LCMT1: variants seen among roughly 807,000 people sequenced by gnomAD.
LCMT1 encodes leucine carboxyl methyltransferase 1.
LCMT1 carries 32 observed loss-of-function variants against 47.7 expected under a neutral mutation model. The observed-to-expected ratio is 0.67, with a 90% CI of 0.51 to 0.90. The LOEUF is 0.90. Among genes scored for constraint, LCMT1 ranks in the 40% least tolerant of loss-of-function variants. The pLI is 0.00. For missense variants in LCMT1, 375 were observed against 415.2 expected, an observed-to-expected ratio of 0.90 and a Z score of 0.84; for synonymous variants, 152 against 149.7, an observed-to-expected ratio of 1.02 and a Z score of -0.11.
chr16:25,122,181 C>T (rs1487231074), intron 1 of LCMT1, among the ~76,000 whole-genome samples: 3 of 152,190 alleles, frequency 2.0e-5, no homozygotes, highest in Non-Finnish European at 1.5e-5. Flanking sequence ...TCCTTGTTTA[C>T]CAGCTGCTGG....
At chr16:25,146,292 T>C (rs1960849730) in intron 4 of LCMT1, 1 of 152,454 alleles carries the variant, frequency 6.6e-6, no homozygotes, top group African/African-American at 2.4e-5. Flanking sequence ...GTGATGACGA[T>C]GGAGTGTGCT....
chr16:25,175,634 A>G (rs1295899515), intron 10 of LCMT1, among the ~76,000 whole-genome samples: 1 of 152,038 alleles, frequency 6.6e-6, no homozygotes, highest in Non-Finnish European at 1.5e-5. Context: ...CCCTGTCTCA[A>G]AAAATAAATA....
Position 25,178,007 on chromosome 16 carries a change from A to G in LCMT1, c.989A>G (p.Lys330Arg). 2 of 1,613,734 alleles carry G rather than the reference A, an allele frequency of 1.2e-6. No homozygotes were observed. The highest frequency in any genetic ancestry group is 1.7e-6 in the Non-Finnish European group (2 of 1,179,734). The change falls in exon 11 of 11, where the codon AAG becomes AGG. Residue 330 changes from lysine (K) to arginine (R), a missense_variant. Coordinates refer to ENST00000399069, the MANE Select transcript of LCMT1 (RefSeq NM_016309.3). ...TGTGTGTCTCTCCCCTCAGGGCTGAAGGAGATAACTTATTAATCTGTCGAA... is the reference window on the plus strand; with the variant it reads ...TGTGTGTCTCTCCCCTCAGGGCTGAGGGAGATAACTTATTAATCTGTCGAA... ...ATKGGNELGL[K>R]EITY
chr16:25,124,295 C>G (rs1960090648), intron 1 of LCMT1, among the ~76,000 whole-genome samples: 1 of 152,152 alleles, frequency 6.6e-6, no homozygotes, highest in Non-Finnish European at 1.5e-5. Context: ...TACATGTATA[C>G]AGACAAACAC....
At chr16:25,152,252 T>C (rs1961104959) in intron 5 of LCMT1, among the ~76,000 whole-genome samples, 1 of 152,108 alleles carries the variant, frequency 6.6e-6, no homozygotes, top group African/African-American at 2.4e-5. Flanking sequence ...CAGTAGTCTT[T>C]TGAAAGGGCT....
rs1217579944 is a variant in LCMT1, at chr16:25,161,330, C to A, written c.569+126C>A. Reference sequence around the variant, plus strand: ...TTATTCTTTAAGAGTTTTATCATTTCATTGCTACCTAGTTTTCTGAAAAAA... The same window carrying A: ...TTATTCTTTAAGAGTTTTATCATTTAATTGCTACCTAGTTTTCTGAAAAAA... On this transcript the variant is annotated intron_variant, in intron 6 of 10. Coordinates refer to ENST00000399069, the MANE Select transcript of LCMT1 (RefSeq NM_016309.3). 1.7e-5 allele frequency: 9 copies of A among 522,438 alleles called. No individual in the cohort carries two copies. In the African/African-American group the frequency reaches 1.8e-4, roughly 10 times the overall value. The allele number at this position is 522,438 out of a possible 1,614,324, so 32.4% of individuals were successfully genotyped here.
At chr16:25,174,277 T>A (rs1425149671) in intron 9 of LCMT1, among the ~76,000 whole-genome samples, 1 of 152,198 alleles carries the variant, frequency 6.6e-6, no homozygotes, top group Non-Finnish European at 1.5e-5. Context: ...ATGCATATAA[T>A]TTTTTACAAA....
At chr16:25,169,341 C>T in intron 8 of LCMT1, 128 bp downstream of exon 8, 1 of 631,276 alleles carries the variant, frequency 1.6e-6, no homozygotes, top group African/African-American at 1.8e-5. Flanking sequence ...GGCTGCTGAG[C>T]CTCCATGTGG....
chr16:25,144,642 A>C (rs1960794732), intron 4 of LCMT1: 1 of 152,236 alleles, frequency 6.6e-6, no homozygotes, highest in Admixed American at 6.5e-5. Context: ...GCAGTGAGCC[A>C]ATGGTGTCCC....
At chr16:25,118,441 G>C (rs1229522922) in intron 1 of LCMT1, among the ~76,000 whole-genome samples, 2 of 152,178 alleles carry the variant, frequency 1.3e-5, no homozygotes, top group African/African-American at 4.8e-5. Context: ...GCCTGCTTCG[G>C]TTATGGAGGT....
intron 1 of LCMT1, among the ~76,000 whole-genome samples, chr16:25,120,193 G>C (rs188582455): frequency 6.6e-6 from 1 of 151,292 alleles, no homozygotes; most frequent in Non-Finnish European, 1.5e-5. Flanking sequence ...AAAAAACCTT[G>C]TCCATCAATA....
intron 1 of LCMT1, among the ~76,000 whole-genome samples, chr16:25,121,481 G>C (rs1597559987): frequency 6.6e-6 from 1 of 152,158 alleles, no homozygotes; most frequent in East Asian, 1.9e-4. Flanking sequence ...AATCACAGAA[G>C]AGTGAGTTCT....
At chr16:25,149,390 A>G (rs1481093152) in intron 4 of LCMT1, among the ~76,000 whole-genome samples, 1 of 152,116 alleles carries the variant, frequency 6.6e-6, no homozygotes, top group Non-Finnish European at 1.5e-5. Flanking sequence ...GAGACACTCC[A>G]CCACCTTGGT....
intron 5 of LCMT1, 48 bp downstream of exon 5, chr16:25,151,663 C>A: frequency 6.8e-7 from 1 of 1,472,146 alleles, no homozygotes; most frequent in Non-Finnish European, 9.4e-7. Context: ...ATTTTTGCTT[C>A]CCACCCCCTT....
In LCMT1 at chr16:25,171,439, A is replaced by C. The variant is rs142484855; in HGVS notation, c.884+634A>C. Among the ~76,000 whole-genome samples, 203 of 152,172 alleles carry C rather than the reference A, an allele frequency of 1.3e-3. 1 individual carries two copies. The highest frequency in any genetic ancestry group is 4.5e-3 in the African/African-American group (185 of 41,514). Reference sequence around the variant, plus strand: ...AAAAACAAACAAACAAACAAACAAAAAAAAACCCCAAAAAACAAGACCCTA... The same window carrying C: ...AAAAACAAACAAACAAACAAACAAACAAAAACCCCAAAAAACAAGACCCTA... On this transcript the variant is annotated intron_variant, in intron 9 of 10. Coordinates refer to ENST00000399069, the MANE Select transcript of LCMT1 (RefSeq NM_016309.3).
At position 25,122,052 on chromosome 16, in the gene LCMT1, T is replaced by A. The variant is rs893478472; in HGVS notation, c.114-6423T>A. 5.3e-5 allele frequency among the ~76,000 whole-genome samples: 8 copies of A among 152,324 alleles called. No homozygotes were observed. In the South Asian group the frequency reaches 1.5e-3, roughly 28 times the overall value. On this transcript the variant is annotated intron_variant, in intron 1 of 10. Coordinates refer to ENST00000399069, the MANE Select transcript of LCMT1 (RefSeq NM_016309.3). ...CAGCATTTTTGCACATGTGTGTGAA[T>A]TTTCTTGTGAAATAGATTCCCAGGG...
chr16:25,120,752 G>GGTTTTTT (rs1555481139), intron 1 of LCMT1, among the ~76,000 whole-genome samples: 2 of 114,476 alleles, frequency 1.7e-5, no homozygotes, highest in African/African-American at 6.7e-5. Flanking sequence ...TTTTTTTTTT[G>GGTTTTTT]TTTTTTTTTT....
Position 25,151,548 on chromosome 16 carries a change from C to T in LCMT1, c.405-6C>T. 1.9e-6 allele frequency: 3 copies of T among 1,611,082 alleles called. No individual in the cohort carries two copies. The highest frequency in any genetic ancestry group is 2.5e-6 in the Non-Finnish European group (3 of 1,177,774). ...CATTTTTCTCCTCTTTCCCATCTTC[C>T]CATAGATGCAAGCCTCCCCTATCCA... is the stretch of plus-strand genomic sequence containing the variant. On this transcript the variant is annotated splice_polypyrimidine_tract_variant and splice_region_variant and intron_variant, in intron 4 of 10. Coordinates refer to ENST00000399069, the MANE Select transcript of LCMT1 (RefSeq NM_016309.3).
intron 1 of LCMT1, among the ~76,000 whole-genome samples, chr16:25,125,801 C>A (rs1331736085): frequency 6.6e-6 from 1 of 151,342 alleles, no homozygotes; most frequent in Admixed American, 6.6e-5. Flanking sequence ...CATTGCACTC[C>A]AGCCTGGACA....
Sources: gnomAD v4.1 joint callset for allele counts (sites outside exome capture counted in the v4.1 genomes callset) on GRCh38, gnomAD v4.1.1 for gene constraint, MANE v1.5 for transcripts, NCBI Gene and HGNC (gene_info 2026-07-23, HGNC 2026-07-21) for gene names.